Variants in RGS12 observed in about 807,000 individuals in gnomAD.
RGS12 encodes the protein regulator of G protein signaling 12.
In RGS12, 66 loss-of-function variants were observed where a neutral mutation model predicts 120.1. That is an observed-to-expected ratio of 0.55 (90% CI 0.45 to 0.67). The LOEUF is 0.67. Ranked by LOEUF, RGS12 falls within the 30% of genes least tolerant of loss-of-function variation. RGS12 has a pLI of 0.00. For synonymous variants in RGS12, 827 were observed against 804.7 expected (o/e 1.03, Z -0.47); for missense variants, 1,859 against 1,957.7 (o/e 0.95, Z 0.95).
intron 4 of RGS12, among the ~76,000 whole-genome samples, chr4:3,387,078 A>C (rs182119978): frequency 9.2e-5 from 14 of 152,334 alleles, no homozygotes; most frequent in African/African-American, 3.1e-4. Context: ...AGTTCCTCCG[A>C]AATATTCCTC....
At chr4:3,391,772 A>G (rs1263791377) in intron 4 of RGS12, among the ~76,000 whole-genome samples, 2 of 140,748 alleles carry the variant, frequency 1.4e-5, no homozygotes, top group African/African-American at 6.2e-5. Context: ...TGGGGGCCTC[A>G]CCAGAGAGGG....
Position 3,439,738 on chromosome 4 carries a change from G to A in RGS12, c.*54G>A, listed in dbSNP as rs1192694390. 5 of 1,434,120 alleles carry A rather than the reference G, an allele frequency of 3.5e-6. No individual in the cohort carries two copies. Among genetic ancestry groups the A allele is most frequent in the Non-Finnish European group, 4.6e-6 (5 of 1,086,582 alleles). The allele number at this position is 1,434,120 out of a possible 1,614,324, so 88.8% of individuals were successfully genotyped here. On this transcript the variant is annotated 3_prime_UTR_variant, in exon 18 of 18. Transcript: ENST00000336727. ...GGACATGTCGGGGTGGGGCAGCCCA[G>A]GTGGATTCTGTGGGCCTCAGGGGGG...
intron 4 of RGS12, among the ~76,000 whole-genome samples, chr4:3,403,132 G>T (rs1050248056): frequency 6.6e-6 from 1 of 152,172 alleles, no homozygotes. Flanking sequence ...TTTCACCCCC[G>T]CCTGTTGGCA....
intron 3 of RGS12, among the ~76,000 whole-genome samples, chr4:3,383,497 T>G (rs1274173552): frequency 6.6e-6 from 1 of 152,014 alleles, no homozygotes; most frequent in Non-Finnish European, 1.5e-5. Context: ...TCCCAGCTAC[T>G]TAGGAGGCTG....
At chr4:3,331,161 C>G (rs755084362) in intron 2 of RGS12, among the ~76,000 whole-genome samples, 1 of 152,202 alleles carries the variant, frequency 6.6e-6, no homozygotes, top group Non-Finnish European at 1.5e-5. Flanking sequence ...CACAAAAACA[C>G]ATATATTTAA....
At chr4:3,430,146 A>C (rs1724107566) in intron 16 of RGS12, among the ~76,000 whole-genome samples, 1 of 152,178 alleles carries the variant, frequency 6.6e-6, no homozygotes, top group African/African-American at 2.4e-5. Context: ...TCGTTTGTTC[A>C]AGTCTGGACC....
chr4:3,413,062 C>A (rs1268162072), intron 4 of RGS12: 4 of 22,306 alleles, frequency 1.8e-4, no homozygotes, highest in Non-Finnish European at 2.7e-4. Flanking sequence ...GACGGGGGCG[C>A]CCCCACACTG....
chr4:3,409,730 C>T (rs1721529740), intron 4 of RGS12, among the ~76,000 whole-genome samples: 1 of 152,196 alleles, frequency 6.6e-6, no homozygotes, highest in African/African-American at 2.4e-5. Flanking sequence ...ATTGAAACAC[C>T]TTTTGTTTGA....
At chr4:3,423,905 T>C in intron 13 of RGS12, 1 of 402,474 alleles carries the variant, frequency 2.5e-6, no homozygotes, top group South Asian at 2.8e-5. Context: ...GAGGCCAAAA[T>C]GAGAAACAAA....
At chr4:3,361,103 T>C (rs1715511488) in intron 3 of RGS12, among the ~76,000 whole-genome samples, 1 of 152,082 alleles carries the variant, frequency 6.6e-6, no homozygotes, top group African/African-American at 2.4e-5. Flanking sequence ...TAGAAGCTAA[T>C]GGACTATGGC....
chr4:3,428,798 G>T, intron 16 of RGS12, 87 bp downstream of exon 16: 1 of 1,179,400 alleles, frequency 8.5e-7, no homozygotes, highest in Non-Finnish European at 1.2e-6. Flanking sequence ...TGAGCTGTCA[G>T]CATCTGGGTG....
intron 9 of RGS12, chr4:3,419,359 G>A (rs182435684): frequency 2.4e-4 from 36 of 151,972 alleles, no homozygotes; most frequent in African/African-American, 8.4e-4. Context: ...AGCTGGGTGT[G>A]ATGGTGGGTA....
chr4:3,416,198 TGCTATCA>T, intron 7 of RGS12, 77 bp downstream of exon 7: 1 of 1,528,286 alleles, frequency 6.5e-7, no homozygotes, highest in Non-Finnish European at 8.9e-7. Context: ...AAAGAACACG[TGCTATCA>T]GGCAGGCCAG....
chr4:3,398,266 AAG>A (rs1189483399), intron 4 of RGS12, among the ~76,000 whole-genome samples: 1 of 152,258 alleles, frequency 6.6e-6, no homozygotes, highest in Admixed American at 6.5e-5. Flanking sequence ...CAACAAGAGA[AAG>A]AGCATCAGAG....
intron 1 of RGS12, chr4:3,312,379 C>G (rs909079778): frequency 5.9e-6 from 1 of 168,216 alleles, no homozygotes; most frequent in Non-Finnish European, 1.3e-5. Flanking sequence ...AAAACATTAG[C>G]CAAGGTTCAC....
intron 3 of RGS12, among the ~76,000 whole-genome samples, chr4:3,382,200 CA>C (rs987483384): frequency 6.6e-6 from 1 of 152,122 alleles, no homozygotes; most frequent in Non-Finnish European, 1.5e-5. Flanking sequence ...TATCATTTTG[CA>C]TTATTTTTTC....
rs530864599 is a variant in RGS12 at position 3,374,514 on chromosome 4, A to T, written c.1999-11902A>T. On this transcript the variant is annotated intron_variant, in intron 3 of 17. Coordinates refer to ENST00000336727, the MANE Select transcript of RGS12 (RefSeq NM_001394154.1). The surrounding 1 kb of genome is among the most constrained non-coding windows in gnomAD (Gnocchi z 6.3). ...ACATCTTCTCACCGTCTCTCCTCGGACATCCAGGAGGCCCCTCAGACTTAA... is the reference window on the plus strand; with the variant it reads ...ACATCTTCTCACCGTCTCTCCTCGGTCATCCAGGAGGCCCCTCAGACTTAA... Among the ~76,000 whole-genome samples, 34 of 152,100 alleles carry T rather than the reference A, an allele frequency of 2.2e-4. No homozygotes were observed. In the South Asian group the frequency reaches 7.1e-3, roughly 32 times the overall value.
intron 1 of RGS12, among the ~76,000 whole-genome samples, chr4:3,302,685 G>A (rs34067673): frequency 0.069 from 10,531 of 152,210 alleles, 484 homozygotes; most frequent in African/African-American, 0.12. Flanking sequence ...GAAGGGAGGC[G>A]CCCCAGGAGT....
intron 1 of RGS12, among the ~76,000 whole-genome samples, chr4:3,295,412 G>A (rs1387221827): frequency 6.6e-6 from 1 of 152,138 alleles, no homozygotes; most frequent in African/African-American, 2.4e-5. Flanking sequence ...TGTAATACCA[G>A]CACTTTGGGA....
Sources: allele counts gnomAD v4.1 joint callset (sites outside exome capture counted in the v4.1 genomes callset), GRCh38; gene constraint gnomAD v4.1.1; non-coding constraint Gnocchi (gnomAD v3.1); transcripts MANE v1.5; gene names NCBI Gene and HGNC (gene_info 2026-07-23, HGNC 2026-07-21).